The following ALG6 variants were observed in gnomAD, a reference collection of about 807,000 sequenced individuals.
ALG6 encodes dolichyl pyrophosphate Man9GlcNAc2 alpha-1,3-glucosyltransferase.
In ALG6, 46 loss-of-function variants were observed where a neutral mutation model predicts 66.6. The ratio of observed to expected loss-of-function variants is 0.69; its 90% CI spans 0.55 to 0.88. The LOEUF is 0.88. ALG6 is among the 40% of genes least tolerant of loss of function. The pLI is 0.00. For missense variants in ALG6, 505 were observed against 586.8 expected (o/e 0.86, Z 1.44); for synonymous variants, 185 against 203.7 (o/e 0.91, Z 0.78).
intron 2 of ALG6, among the ~76,000 whole-genome samples, chr1:63,379,118 A>G (rs1648223083): frequency 6.6e-6 from 1 of 151,898 alleles, no homozygotes; most frequent in Non-Finnish European, 1.5e-5. Context: ...TGCTCATGGT[A>G]TTTTGTTTCT....
At chr1:63,420,876 AT>A (rs1351773388) in intron 12 of ALG6, among the ~76,000 whole-genome samples, 2 of 149,324 alleles carry the variant, frequency 1.3e-5, no homozygotes, top group African/African-American at 5.0e-5. Context: ...AAAAAAAAAA[AT>A]TAAATAAAAG....
chr1:63,433,973 T>C lies in ALG6; in HGVS notation c.1327-2850T>C, dbSNP rs142262390. ...AGAACCAAAGGAAGTAAACTGCAGATAATTGAGGGTAGAACATCCTAGAAG... is the reference window on the plus strand; with the variant it reads ...AGAACCAAAGGAAGTAAACTGCAGACAATTGAGGGTAGAACATCCTAGAAG... On this transcript the variant is annotated intron_variant, in intron 14 of 14. Coordinates refer to ENST00000263440, the MANE Select transcript of ALG6 (RefSeq NM_013339.4). This position sits in a 1 kb window ranked among gnomAD's most constrained non-coding sequence, Gnocchi z 4.2. Among the ~76,000 whole-genome samples, 482 of 152,262 alleles carry C rather than the reference T, an allele frequency of 3.2e-3. 8 individuals are homozygous for C. In the East Asian group the frequency reaches 0.037, roughly 12 times the overall value.
chr1:63,405,999 A>G (rs991422516), intron 5 of ALG6, among the ~76,000 whole-genome samples: 19 of 152,242 alleles, frequency 1.2e-4, no homozygotes, highest in African/African-American at 4.3e-4. Context: ...TTCAGAGTAT[A>G]TAGATTGAGG....
chr1:63,422,551 A>G (rs1336764788), intron 12 of ALG6, among the ~76,000 whole-genome samples: 1 of 149,178 alleles, frequency 6.7e-6, no homozygotes, highest in Admixed American at 6.9e-5. Flanking sequence ...AGGTCAAATA[A>G]GATGAGGGCT....
intron 12 of ALG6, 132 bp from the exon 13 acceptor site, chr1:63,428,601 T>C (rs1484861672): frequency 7.4e-6 from 5 of 671,292 alleles, no homozygotes; most frequent in Admixed American, 5.9e-5. Flanking sequence ...CAGTAGTCCA[T>C]ATGAAGACCT....
chr1:63,381,748 G>T (rs1026160084), intron 2 of ALG6, among the ~76,000 whole-genome samples: 1 of 152,200 alleles, frequency 6.6e-6, no homozygotes, highest in African/African-American at 2.4e-5. Flanking sequence ...TAGCATTCAC[G>T]TGTGAGGGAC....
intron 14 of ALG6, among the ~76,000 whole-genome samples, chr1:63,431,215 A>G (rs1466514776): frequency 1.3e-5 from 2 of 152,192 alleles, no homozygotes; most frequent in Non-Finnish European, 2.9e-5. Context: ...TGCCACTGCC[A>G]TACTGTCTTG....
At chr1:63,393,822 T>C (rs1184543124) in intron 2 of ALG6, among the ~76,000 whole-genome samples, 1 of 152,196 alleles carries the variant, frequency 6.6e-6, no homozygotes, top group Non-Finnish European at 1.5e-5. Flanking sequence ...TAAACGTCCT[T>C]GCTGTATTAA....
intron 14 of ALG6, among the ~76,000 whole-genome samples, chr1:63,435,879 T>C (rs372637202): frequency 1.3e-5 from 2 of 152,308 alleles, no homozygotes; most frequent in South Asian, 4.1e-4. Flanking sequence ...TATAGCACAT[T>C]GGCCTAGAGA....
At chr1:63,375,436 T>TC (rs1648091812) in intron 2 of ALG6, among the ~76,000 whole-genome samples, 1 of 144,626 alleles carries the variant, frequency 6.9e-6, no homozygotes, top group Non-Finnish European at 1.5e-5. Flanking sequence ...TTTTTTTTTT[T>TC]TCCAGTAGAG....
At chr1:63,378,497 G>C (rs1648201745) in intron 2 of ALG6, among the ~76,000 whole-genome samples, 2 of 152,016 alleles carry the variant, frequency 1.3e-5, no homozygotes, top group Non-Finnish European at 2.9e-5. Context: ...CAGCTACTGT[G>C]TCTTCTTATT....
rs867665226 is a variant in ALG6 at position 63,436,988 on chromosome 1, A to G, written c.1492A>G (p.Lys498Glu). The G allele has an allele frequency of 6.2e-7, 1 of 1,613,412 alleles. No homozygotes were observed. Among genetic ancestry groups the G allele is most frequent in the Middle Eastern group, 1.7e-4 (1 of 6,054 alleles). The change falls in exon 15 of 15, where the codon AAA becomes GAA. Residue 498 changes from lysine to glutamate, a missense_variant. Lys to Glu is a moderately conservative substitution (Grantham distance 56). Coordinates refer to ENST00000263440, the MANE Select transcript of ALG6 (RefSeq NM_013339.4). The stretch of plus-strand genomic sequence containing the variant: ...TAACATTATTATTATGTGGGATTCC[A>G]AAAGTGGAAGAAATCAGAAGAAAAT... ...YFNIIIMWDSKSGRNQKKIS is the reference protein window; with the variant it reads ...YFNIIIMWDSESGRNQKKIS
intron 9 of ALG6, 85 bp downstream of exon 9, chr1:63,412,146 A>G: frequency 6.4e-7 from 1 of 1,571,098 alleles, no homozygotes; most frequent in Admixed American, 1.7e-5. Context: ...TACAAGGAAT[A>G]GGAACTTCAG....
At chr1:63,396,362 C>G (rs568843769) in intron 2 of ALG6, 151 bp from the exon 3 acceptor site, 24 of 702,244 alleles carry the variant, frequency 3.4e-5, no homozygotes, top group Non-Finnish European at 6.0e-5. Context: ...GTGCTAGATT[C>G]AGATTTTATC....
At chr1:63,369,027 G>C (rs964202322) in intron 1 of ALG6, among the ~76,000 whole-genome samples, 1 of 151,998 alleles carries the variant, frequency 6.6e-6, no homozygotes, top group Non-Finnish European at 1.5e-5. Context: ...TAACACCATA[G>C]ATTAGTTTTG....
chr1:63,430,676 G>A lies in ALG6; in HGVS notation c.1326+1550G>A, dbSNP rs1170636352. ...TTGAACATCTTTTCATGTGCTTATC[G>A]GCCATTTGTATATCTTCTTTGGAGA... On this transcript the variant is annotated intron_variant, in intron 14 of 14. Transcript: ENST00000263440. Among the ~76,000 whole-genome samples the A allele has an allele frequency of 2.6e-5, 4 of 152,088 alleles. No individual in the cohort carries two copies. The East Asian group carries it at 7.7e-4, about 29-fold the overall frequency.
Position 63,437,781 on chromosome 1 carries a change from T to C in ALG6, c.*761T>C, listed in dbSNP as rs3009572. ...TTACACATAATCACTGGTTCTAAACTTCCAGAACCATTCTGTTTAATTAAA... is the reference window on the plus strand; with the variant it reads ...TTACACATAATCACTGGTTCTAAACCTCCAGAACCATTCTGTTTAATTAAA... On this transcript the variant is annotated 3_prime_UTR_variant, in exon 15 of 15. Transcript: ENST00000263440. The C allele has an allele frequency of 0.61, 91,834 of 151,616 alleles. 29,569 individuals are homozygous for C. Among genetic ancestry groups the C allele is most frequent in the African/African-American group, 0.82 (33,951 of 41,412 alleles). 9.4% of individuals were successfully genotyped at this position (151,616 alleles called of 1,614,324 possible). A position where few individuals can be genotyped will look rare whatever the true frequency, so the allele number is the denominator to read the frequency against.
In ALG6 at chr1:63,433,907, G is replaced by A. The variant is rs72676155; in HGVS notation, c.1327-2916G>A. ...GAGAAATCGATATGATATGCAGGAG[G>A]GATGAATGCAATTTTAAAGTGGCAG... is the stretch of plus-strand genomic sequence containing the variant. On this transcript the variant is annotated intron_variant, in intron 14 of 14. Transcript: ENST00000263440. The surrounding 1 kb of genome is among the most constrained non-coding windows in gnomAD (Gnocchi z 4.2). Among the ~76,000 whole-genome samples, 455 of 152,262 alleles carry A rather than the reference G, an allele frequency of 3.0e-3. 2 individuals carry two copies. Among genetic ancestry groups the A allele is most frequent in the Middle Eastern group, 6.8e-3 (2 of 294 alleles).
intron 5 of ALG6, 135 bp downstream of exon 5, chr1:63,404,676 A>G (rs776233864): frequency 5.4e-6 from 4 of 736,990 alleles, no homozygotes; most frequent in South Asian, 3.1e-5. Context: ...ACAAATATAC[A>G]TATTTGTATA....
Sources: gnomAD v4.1 joint callset for allele counts (sites outside exome capture counted in the v4.1 genomes callset) on GRCh38, gnomAD v4.1.1 for gene constraint, Gnocchi (gnomAD v3.1) non-coding constraint, MANE v1.5 for transcripts, NCBI Gene and HGNC (gene_info 2026-07-23, HGNC 2026-07-21) for gene names.